The following GTF2IRD1 variants were observed in gnomAD, a reference collection of about 807,000 sequenced individuals.
The protein encoded by GTF2IRD1 is GTF2I repeat domain containing 1, also known as general transcription factor II-I repeat domain-containing protein 1.
Under a neutral mutation model 113.2 loss-of-function variants are expected in GTF2IRD1, and 26 were observed. The observed-to-expected ratio is 0.23, with a 90% CI of 0.17 to 0.32. The LOEUF is 0.32. Ranked by LOEUF, GTF2IRD1 falls within the 10% of genes least tolerant of loss-of-function variation. The pLI is 1.00. For missense variants in GTF2IRD1, 864 were observed against 1,280.8 expected (o/e 0.67, Z 4.97); for synonymous variants, 484 against 529.1 (o/e 0.91, Z 1.17).
intron 1 of GTF2IRD1, among the ~76,000 whole-genome samples, chr7:74,461,203 CT>C (rs1793343513): frequency 6.6e-6 from 1 of 152,124 alleles, no homozygotes; most frequent in Non-Finnish European, 1.5e-5. Flanking sequence ...GAGGGCCTGG[CT>C]TGAGGGCTTG....
At chr7:74,590,484 G>A (rs1203527593) in intron 23 of GTF2IRD1, among the ~76,000 whole-genome samples, 8 of 151,742 alleles carry the variant, frequency 5.3e-5, no homozygotes, top group African/African-American at 1.9e-4. Flanking sequence ...CACCTCCTGG[G>A]TTCACGTCAT....
chr7:74,542,232 A>G (rs1798676139), intron 14 of GTF2IRD1, among the ~76,000 whole-genome samples: 1 of 151,754 alleles, frequency 6.6e-6, no homozygotes, highest in Non-Finnish European at 1.5e-5. Context: ...CATCTCTGCT[A>G]AAAAGACCAA....
intron 1 of GTF2IRD1, among the ~76,000 whole-genome samples, chr7:74,459,218 G>C (rs1330846407): frequency 2.6e-5 from 4 of 152,106 alleles, no homozygotes; most frequent in Non-Finnish European, 5.9e-5. Flanking sequence ...TTTGCACTTC[G>C]GGAGACCGAG....
In GTF2IRD1 at chr7:74,574,613, C is replaced by A. The variant is rs782345972; in HGVS notation, c.2320+14958C>A. 7.2e-5 allele frequency among the ~76,000 whole-genome samples: 11 copies of A among 151,766 alleles called. No individual in the cohort carries two copies. The South Asian group carries it at 1.7e-3, about 23-fold the overall frequency. On this transcript the variant is annotated intron_variant, in intron 22 of 26. Transcript: ENST00000424337. ...TAGCTGGGACTGGAGGCGTGCACCACCGTGCCAGGCTAATTTTTGTATTTT... is the reference window on the plus strand; with the variant it reads ...TAGCTGGGACTGGAGGCGTGCACCAACGTGCCAGGCTAATTTTTGTATTTT...
At chr7:74,470,127 A>G (rs541310949) in intron 1 of GTF2IRD1, among the ~76,000 whole-genome samples, 8 of 152,182 alleles carry the variant, frequency 5.3e-5, no homozygotes, top group Non-Finnish European at 7.4e-5. Context: ...CCTCCCGAGT[A>G]GCTGGGACTA....
intron 7 of GTF2IRD1, 113 bp from the exon 8 acceptor site, chr7:74,523,958 G>T: frequency 4.2e-6 from 3 of 717,000 alleles, no homozygotes; most frequent in Middle Eastern, 2.8e-4. Flanking sequence ...AGGACTGGGG[G>T]CTGGGGCCGG....
intron 22 of GTF2IRD1, among the ~76,000 whole-genome samples, chr7:74,575,143 C>T (rs587628439): frequency 1.2e-4 from 18 of 152,072 alleles, no homozygotes; most frequent in South Asian, 2.1e-4. Context: ...CATGGTGGGG[C>T]GGGGGGATAA....
chr7:74,570,964 T>C (rs1583917958), intron 22 of GTF2IRD1, among the ~76,000 whole-genome samples: 1 of 152,226 alleles, frequency 6.6e-6, no homozygotes, highest in East Asian at 1.9e-4. Flanking sequence ...CCAGCCACCC[T>C]TCTCCAGTTC....
intron 24 of GTF2IRD1, among the ~76,000 whole-genome samples, chr7:74,591,374 CTT>C (rs782483943): frequency 3.3e-4 from 39 of 118,050 alleles, no homozygotes; most frequent in Middle Eastern, 5.7e-3. Context: ...CAGTGATTCT[CTT>C]TTTTTTTTTT....
In GTF2IRD1 at chr7:74,508,123, T is replaced by C; in HGVS notation, c.43T>C (p.Cys15Arg). The change falls in exon 2 of 27, where the codon TGC (cysteine) becomes CGC (arginine). Residue 15 changes from cysteine (C) to arginine (R), a missense_variant. Around this residue, in one of 7 missense-constraint regions of GTF2IRD1, gnomAD observed 182 missense variants for 266.6 expected, o/e 0.68. Transcript: ENST00000424337. Reference protein sequence around the residue: ...GKRCDVPTNGCGPDRWNSAFT... With the variant: ...GKRCDVPTNGRGPDRWNSAFT... The stretch of plus-strand genomic sequence containing the variant: ...GCGCTGTGACGTCCCCACCAACGGC[T>C]GCGGACCCGACCGCTGGAACTCCGC... 2 of 1,611,278 alleles carry C rather than the reference T, an allele frequency of 1.2e-6. No homozygotes were observed. The highest frequency in any genetic ancestry group is 1.7e-6 in the Non-Finnish European group (2 of 1,179,968).
At chr7:74,524,888 A>T (rs1797512407) in intron 8 of GTF2IRD1, among the ~76,000 whole-genome samples, 1 of 152,156 alleles carries the variant, frequency 6.6e-6, no homozygotes, top group Admixed American at 6.6e-5. Context: ...AATACAAATT[A>T]AAAATTAAAA....
chr7:74,492,196 A>G (rs1795391691), intron 1 of GTF2IRD1, among the ~76,000 whole-genome samples: 1 of 147,872 alleles, frequency 6.8e-6, no homozygotes, highest in African/African-American at 2.5e-5. Context: ...TTTGAGACAG[A>G]GTCTCACTCT....
chr7:74,469,668 C>T (rs1039996842), intron 1 of GTF2IRD1, among the ~76,000 whole-genome samples: 2 of 152,016 alleles, frequency 1.3e-5, no homozygotes, highest in African/African-American at 2.4e-5. Flanking sequence ...TTTATCTGTT[C>T]ATCAGTTATG....
At chr7:74,468,369 A>C (rs1554331451) in intron 1 of GTF2IRD1, among the ~76,000 whole-genome samples, 1 of 151,676 alleles carries the variant, frequency 6.6e-6, no homozygotes, top group African/African-American at 2.4e-5. Flanking sequence ...AAAAAAAAAA[A>C]AAAACCCAGC....
intron 1 of GTF2IRD1, among the ~76,000 whole-genome samples, chr7:74,494,781 T>G (rs1331484474): frequency 6.6e-6 from 1 of 152,178 alleles, no homozygotes; most frequent in Admixed American, 6.5e-5. Flanking sequence ...GACAGGGTTC[T>G]CACTCTGTCA....
chr7:74,476,594 C>A lies in GTF2IRD1; in HGVS notation c.-7+22418C>A, dbSNP rs1421569051. Among the ~76,000 whole-genome samples the A allele has an allele frequency of 2.6e-5, 4 of 152,032 alleles. No homozygotes were observed. In the East Asian group the frequency reaches 5.8e-4, roughly 22 times the overall value. ...GGCCAGGCTGATCTCAAACTCCTGA[C>A]CTTAAGTGATCCGCCTGCCTCTGAA... On this transcript the variant is annotated intron_variant, in intron 1 of 26. Transcript: ENST00000424337.
chr7:74,574,026 C>T (rs1259871663), intron 22 of GTF2IRD1, among the ~76,000 whole-genome samples: 1 of 152,142 alleles, frequency 6.6e-6, no homozygotes, highest in African/African-American at 2.4e-5. Context: ...TCTTATTGCC[C>T]AGGCTGGAGT....
chr7:74,519,519 T>A lies in GTF2IRD1; in HGVS notation c.716T>A (p.Val239Glu), dbSNP rs782175403. Reference protein sequence around the residue: ...DCGLHGQAPKVPPQDLPPTAT... With the variant: ...DCGLHGQAPKEPPQDLPPTAT... ...GGCCTGCATGGCCAGGCCCCCAAGG[T>A]GCCACCCCAGGACCTGCCCCCAACC... is the stretch of plus-strand genomic sequence containing the variant. Residue 239 changes from valine to glutamate, a missense_variant, in exon 6 of 27, where the codon GTG becomes GAG. Physicochemically the swap from Val to Glu is moderately radical, Grantham distance 121. Transcript: ENST00000424337. 2 of 1,610,712 alleles carry A rather than the reference T, an allele frequency of 1.2e-6. No homozygotes were observed. The highest frequency in any genetic ancestry group is 1.7e-6 in the Non-Finnish European group (2 of 1,178,608).
rs587742554 is a variant in GTF2IRD1, at chr7:74,548,126, G to T, written c.1916+840G>T. Among the ~76,000 whole-genome samples the T allele has an allele frequency of 1.6e-4, 24 of 152,286 alleles. 1 individual carries two copies. The South Asian group carries it at 4.3e-3, about 28-fold the overall frequency. The stretch of plus-strand genomic sequence containing the variant: ...CCTGTGTGCCCAGCTGGGATAAAAA[G>T]TCCCTTTGGGCCCGGGCGCGGTGGC... On this transcript the variant is annotated intron_variant, in intron 17 of 26. Transcript: ENST00000424337.
Sources: allele counts gnomAD v4.1 joint callset (sites outside exome capture counted in the v4.1 genomes callset), GRCh38; gene constraint gnomAD v4.1.1; regional missense constraint gnomAD v4.1.1; transcripts MANE v1.5; gene names NCBI Gene and HGNC (gene_info 2026-07-23, HGNC 2026-07-21).